Variants in DLGAP1 observed in about 807,000 individuals in gnomAD.
The protein encoded by DLGAP1 is disks large-associated protein 1.
A neutral mutation model predicts 90.8 loss-of-function variants in DLGAP1; 11 were observed. That is an observed-to-expected ratio of 0.12 (90% confidence interval 0.08 to 0.20). The LOEUF (loss-of-function observed/expected upper bound fraction) is 0.20. DLGAP1 is among the 10% of genes least tolerant of loss of function. The probability of loss-of-function intolerance (pLI) is 1.00; values close to 1 mark genes in which losing one functional copy is unlikely to be tolerated. For missense variants in DLGAP1, 1,050 were observed against 1,333.8 expected (o/e 0.79, Z 3.31); for synonymous variants, 558 against 540.7 (o/e 1.03, Z -0.44).
intron 2 of DLGAP1, among the ~76,000 whole-genome samples, chr18:4,049,907 C>T (rs901018537): frequency 1.4e-5 from 2 of 143,718 alleles, no homozygotes; most frequent in Non-Finnish European, 3.1e-5. Context: ...TGTATCCATC[C>T]AACGGTCCAT....
intron 6 of DLGAP1, among the ~76,000 whole-genome samples, chr18:3,740,800 C>A (rs2062869827): frequency 6.7e-6 from 1 of 150,308 alleles, no homozygotes; most frequent in African/African-American, 2.5e-5. Flanking sequence ...CCATCATAAC[C>A]ACCACCGCCA....
At chr18:4,028,928 A>T (rs1239434045) in intron 2 of DLGAP1, among the ~76,000 whole-genome samples, 1 of 152,146 alleles carries the variant, frequency 6.6e-6, no homozygotes, top group Non-Finnish European at 1.5e-5. Flanking sequence ...CAATACATTA[A>T]CAATAGTCCC....
intron 1 of DLGAP1, among the ~76,000 whole-genome samples, chr18:4,336,784 T>C (rs567357275): frequency 1.3e-5 from 2 of 152,114 alleles, no homozygotes; most frequent in Non-Finnish European, 2.9e-5. Flanking sequence ...TAGGGGCTTA[T>C]AGAATTGAGT....
intron 5 of DLGAP1, among the ~76,000 whole-genome samples, chr18:3,812,564 G>A (rs1192849536): frequency 6.6e-6 from 1 of 152,110 alleles, no homozygotes; most frequent in Non-Finnish European, 1.5e-5. Context: ...AACACATGTA[G>A]TAATAAAGGC....
intron 3 of DLGAP1, among the ~76,000 whole-genome samples, chr18:3,990,481 T>A (rs2073940433): frequency 9.0e-6 from 1 of 110,606 alleles, no homozygotes; most frequent in Non-Finnish European, 1.8e-5. Context: ...CTGGGGACTG[T>A]TGTGGGGTGG....
chr18:3,742,658 C>T, intron 5 of DLGAP1, 146 bp from the exon 6 acceptor site: 1 of 914,960 alleles, frequency 1.1e-6, no homozygotes, highest in Non-Finnish European at 1.6e-6. Context: ...AACTCCCCCA[C>T]AGTGTCTCAG....
chr18:4,013,276 T>A (rs938409352), intron 2 of DLGAP1, among the ~76,000 whole-genome samples: 3 of 152,070 alleles, frequency 2.0e-5, no homozygotes, highest in African/African-American at 7.2e-5. Flanking sequence ...TTAAAAAGCC[T>A]CTCTAAGGTA....
rs1478108398 is a variant in DLGAP1 at position 4,312,625 on chromosome 18, A to C, written c.-267+142381T>G. On this transcript the variant is annotated intron_variant, in intron 1 of 12. Transcript: ENST00000315677. ...GAGGGGCATCTGTACTTCAATTTGGAAACACTGACTTGAATCATAAAATTT... is the reference window on the plus strand; with the variant it reads ...GAGGGGCATCTGTACTTCAATTTGGCAACACTGACTTGAATCATAAAATTT... Among the ~76,000 whole-genome samples, 3 of 152,204 alleles carry C rather than the reference A, an allele frequency of 2.0e-5. 1 individual carries two copies. The highest frequency in any genetic ancestry group is 4.4e-5 in the Non-Finnish European group (3 of 68,036).
intron 2 of DLGAP1, among the ~76,000 whole-genome samples, chr18:4,134,903 G>T (rs926956734): frequency 6.6e-6 from 1 of 152,022 alleles, no homozygotes; most frequent in African/African-American, 2.4e-5. Flanking sequence ...AAGCAGCCCA[G>T]CTGTTCTACA....
chr18:4,389,550 C>T (rs2082299821), intron 1 of DLGAP1, among the ~76,000 whole-genome samples: 2 of 152,118 alleles, frequency 1.3e-5, no homozygotes, highest in South Asian at 4.1e-4. Flanking sequence ...TATAAAGCAA[C>T]TGAATGGTGA....
chr18:3,804,460 T>C (rs768076274), intron 5 of DLGAP1, among the ~76,000 whole-genome samples: 8 of 152,298 alleles, frequency 5.3e-5, no homozygotes, highest in Non-Finnish European at 1.2e-4. Flanking sequence ...TGGATAACAA[T>C]ACTAGGGATG....
intron 1 of DLGAP1, among the ~76,000 whole-genome samples, chr18:4,317,530 A>T (rs893266708): frequency 6.6e-6 from 1 of 152,234 alleles, no homozygotes; most frequent in Non-Finnish European, 1.5e-5. Flanking sequence ...TGAAGTTAGC[A>T]GTGAAAGGAT....
intron 1 of DLGAP1, among the ~76,000 whole-genome samples, chr18:4,427,392 A>G (rs1262377393): frequency 6.6e-6 from 1 of 152,184 alleles, no homozygotes; most frequent in African/African-American, 2.4e-5. Context: ...GGGATCTTGA[A>G]TTATGCAAAT....
chr18:4,432,627 G>GTGC (rs1374312597), intron 1 of DLGAP1, among the ~76,000 whole-genome samples: 2 of 77,510 alleles, frequency 2.6e-5, no homozygotes, highest in African/African-American at 9.1e-5. Context: ...TGTGTGTGTG[G>GTGC]TGAGAATATT....
At chr18:4,357,910 A>G (rs1472618329) in intron 1 of DLGAP1, among the ~76,000 whole-genome samples, 1 of 152,258 alleles carries the variant, frequency 6.6e-6, no homozygotes, top group East Asian at 1.9e-4. Flanking sequence ...TTCTCAACGC[A>G]GAAAATCTGA....
At chr18:3,805,372 G>A (rs907162769) in intron 5 of DLGAP1, among the ~76,000 whole-genome samples, 1 of 152,198 alleles carries the variant, frequency 6.6e-6, no homozygotes, top group African/African-American at 2.4e-5. Context: ...GACAACATGG[G>A]ATTCAGAGAT....
At chr18:3,714,642 T>G (rs1057239527) in intron 7 of DLGAP1, among the ~76,000 whole-genome samples, 13 of 93,194 alleles carry the variant, frequency 1.4e-4, no homozygotes, top group African/African-American at 3.8e-4. Context: ...TTACGTGGTT[T>G]TTTTTTTTTT....
chr18:3,975,230 A>G (rs2073545393), intron 3 of DLGAP1, among the ~76,000 whole-genome samples: 1 of 152,146 alleles, frequency 6.6e-6, no homozygotes, highest in Non-Finnish European at 1.5e-5. Context: ...ATACATATGC[A>G]AAACAAACAC....
chr18:4,183,056 A>G (rs1193028637), intron 1 of DLGAP1, among the ~76,000 whole-genome samples: 1 of 152,200 alleles, frequency 6.6e-6, no homozygotes, highest in East Asian at 1.9e-4. Context: ...GGTTACAGAA[A>G]CATGAGCTAC....
Sources: allele counts gnomAD v4.1 joint callset (sites outside exome capture counted in the v4.1 genomes callset), GRCh38; gene constraint gnomAD v4.1.1; transcripts MANE v1.5; gene names NCBI Gene and HGNC (gene_info 2026-07-23, HGNC 2026-07-21).